CSMD1: variants seen among roughly 807,000 people sequenced by gnomAD.
The protein encoded by CSMD1 is CUB and Sushi multiple domains 1, also known as CUB and sushi domain-containing protein 1.
In CSMD1, 213 loss-of-function variants were observed where a neutral mutation model predicts 417.5. That is an observed-to-expected ratio of 0.51 (90% CI 0.46 to 0.57). The LOEUF is 0.57. Ranked by LOEUF, CSMD1 falls within the 20% of genes least tolerant of loss-of-function variation. The pLI, the probability that CSMD1 is intolerant of heterozygous loss-of-function variation, is 0.00. For missense variants in CSMD1, 6,923 were observed against 4,529.7 expected (o/e 1.53, Z -15.17); for synonymous variants, 2,862 against 1,736.8 (o/e 1.65, Z -16.11).
chr8:4,272,203 T>A (rs190006416), intron 3 of CSMD1, among the ~76,000 whole-genome samples: 1 of 152,204 alleles, frequency 6.6e-6, no homozygotes, highest in African/African-American at 2.4e-5. Flanking sequence ...TTAATAGGTA[T>A]AGTACTTTAT....
intron 5 of CSMD1, among the ~76,000 whole-genome samples, chr8:3,781,222 T>G (rs998335428): frequency 6.6e-6 from 1 of 152,058 alleles, no homozygotes; most frequent in Non-Finnish European, 1.5e-5. Flanking sequence ...ATTTAAAAAA[T>G]TGCACCTGTT....
chr8:3,816,460 G>C (rs1488720694), intron 5 of CSMD1, among the ~76,000 whole-genome samples: 1 of 152,070 alleles, frequency 6.6e-6, no homozygotes, highest in African/African-American at 2.4e-5. Context: ...TCCGTTAGTA[G>C]CTGTTATGAA....
At chr8:4,055,144 C>T (rs1281097962) in intron 3 of CSMD1, among the ~76,000 whole-genome samples, 3 of 152,192 alleles carry the variant, frequency 2.0e-5, no homozygotes, top group Non-Finnish European at 4.4e-5. Flanking sequence ...TGGCCTACTT[C>T]AGAAACTGTT....
chr8:3,881,802 C>T (rs1806225260), intron 5 of CSMD1, among the ~76,000 whole-genome samples: 1 of 151,918 alleles, frequency 6.6e-6, no homozygotes, highest in African/African-American at 2.4e-5. Flanking sequence ...GACAGCTAAG[C>T]AAAGGGAAGA....
chr8:4,381,642 C>T (rs1292307065), intron 3 of CSMD1, among the ~76,000 whole-genome samples: 1 of 152,162 alleles, frequency 6.6e-6, no homozygotes, highest in African/African-American at 2.4e-5. Context: ...CCCTTGTAGG[C>T]AACCATCCCC....
At chr8:3,041,671 T>C (rs974695372) in intron 50 of CSMD1, among the ~76,000 whole-genome samples, 4 of 152,342 alleles carry the variant, frequency 2.6e-5, no homozygotes, top group African/African-American at 9.6e-5. Context: ...AATATTCCCA[T>C]CTTTACTCAA....
chr8:4,732,030 T>A (rs1227131064), intron 1 of CSMD1, among the ~76,000 whole-genome samples: 2 of 152,158 alleles, frequency 1.3e-5, no homozygotes, highest in Non-Finnish European at 2.9e-5. Flanking sequence ...CAGTGTTGAC[T>A]GCATGCCTCC....
At chr8:4,179,640 C>G (rs991583039) in intron 3 of CSMD1, among the ~76,000 whole-genome samples, 2 of 152,010 alleles carry the variant, frequency 1.3e-5, no homozygotes, top group African/African-American at 4.8e-5. Flanking sequence ...AGTGAACAGG[C>G]AACCTACAGA....
intron 2 of CSMD1, among the ~76,000 whole-genome samples, chr8:4,625,654 T>A (rs79713630): frequency 2.6e-5 from 4 of 151,912 alleles, no homozygotes; most frequent in Non-Finnish European, 5.9e-5. Flanking sequence ...TAAAAAAAAA[T>A]GTGAAAACCC....
chr8:4,400,647 A>C (rs545583045), intron 3 of CSMD1, among the ~76,000 whole-genome samples: 1 of 152,296 alleles, frequency 6.6e-6, no homozygotes, highest in Non-Finnish European at 1.5e-5. Flanking sequence ...GAAGTCTTTA[A>C]ATTTAATACA....
intron 2 of CSMD1, among the ~76,000 whole-genome samples, chr8:4,515,415 T>C (rs990131728): frequency 5.3e-5 from 8 of 152,288 alleles, no homozygotes; most frequent in African/African-American, 1.2e-4. Context: ...CGTCTTTGTC[T>C]GCTTGACAAA....
chr8:4,719,917 A>T (rs1465376707), intron 1 of CSMD1, among the ~76,000 whole-genome samples: 1 of 152,090 alleles, frequency 6.6e-6, no homozygotes, highest in African/African-American at 2.4e-5. Context: ...CTTTTTATTG[A>T]TTTTAACAGT....
At chr8:4,416,394 T>A (rs907618727) in intron 3 of CSMD1, among the ~76,000 whole-genome samples, 3 of 152,146 alleles carry the variant, frequency 2.0e-5, no homozygotes, top group African/African-American at 7.2e-5. Flanking sequence ...AACCAATATT[T>A]AAATTATTGA....
At position 3,405,769 on chromosome 8, in the gene CSMD1, G is replaced by A. The variant is rs182551570; in HGVS notation, c.2266+258C>T. Among the ~76,000 whole-genome samples, 169 of 152,238 alleles carry A rather than the reference G, an allele frequency of 1.1e-3. 3 individuals are homozygous for A. The East Asian group carries it at 0.021, about 19-fold the overall frequency. On this transcript the variant is annotated intron_variant, in intron 15 of 69. Transcript: ENST00000635120. ...GGAATGCCAGAGATTGCCAAACACC[G>A]CCAGGAGCTGGAGGACCAGCCTGAG...
chr8:4,784,388 A>G (rs1797300118), intron 1 of CSMD1, among the ~76,000 whole-genome samples: 1 of 152,224 alleles, frequency 6.6e-6, no homozygotes, highest in South Asian at 2.1e-4. Context: ...ACCTTGTAAC[A>G]CAAGCAATTA....
At chr8:4,204,714 G>A (rs1281445328) in intron 3 of CSMD1, among the ~76,000 whole-genome samples, 1 of 152,178 alleles carries the variant, frequency 6.6e-6, no homozygotes, top group Non-Finnish European at 1.5e-5. Flanking sequence ...GAATGCAGCA[G>A]TCAGATCATA....
At chr8:4,600,882 A>C (rs774139264) in intron 2 of CSMD1, among the ~76,000 whole-genome samples, 10 of 152,202 alleles carry the variant, frequency 6.6e-5, no homozygotes, top group Admixed American at 4.6e-4. Context: ...ACATTTATAC[A>C]GACTGTTGAG....
chr8:3,918,302 C>A (rs916567964), intron 5 of CSMD1, among the ~76,000 whole-genome samples: 1 of 152,032 alleles, frequency 6.6e-6, no homozygotes, highest in African/African-American at 2.4e-5. Context: ...AGGACTGAGC[C>A]AATTTACATT....
intron 27 of CSMD1, among the ~76,000 whole-genome samples, chr8:3,224,452 T>C (rs1798383555): frequency 6.6e-6 from 1 of 152,210 alleles, no homozygotes; most frequent in Non-Finnish European, 1.5e-5. Flanking sequence ...AAACATGGCA[T>C]TTCACATTCT....
Sources: gnomAD v4.1 joint callset for allele counts (sites outside exome capture counted in the v4.1 genomes callset) on GRCh38, gnomAD v4.1.1 for gene constraint, MANE v1.5 for transcripts, NCBI Gene and HGNC (gene_info 2026-07-23, HGNC 2026-07-21) for gene names.